The following TMTC1 variants were observed in gnomAD, a reference collection of about 807,000 sequenced individuals.
The protein encoded by TMTC1 is protein O-mannosyl-transferase TMTC1.
Under a neutral mutation model 104.8 loss-of-function variants are expected in TMTC1, and 73 were observed. The ratio of observed to expected loss-of-function variants is 0.70; its 90% CI spans 0.58 to 0.85. The LOEUF (loss-of-function observed/expected upper bound fraction) is 0.85. Ranked by LOEUF, TMTC1 falls within the 40% of genes least tolerant of loss-of-function variation. The pLI is 0.00. For missense variants in TMTC1, 1,035 were observed against 1,096.1 expected (o/e 0.94, Z 0.79); for synonymous variants, 434 against 428.7 (o/e 1.01, Z -0.15).
At position 29,616,054 on chromosome 12, in the gene TMTC1, C is replaced by T. The variant is rs150978441; in HGVS notation, c.1129-11755G>A. On this transcript the variant is annotated intron_variant, in intron 6 of 17. Transcript: ENST00000539277. ...AGTTTGAGGAATGCCATTCATGATA[C>T]GCCCCTTTTGGAAACTCACAAGGCT... Among the ~76,000 whole-genome samples, 52 of 152,258 alleles carry T rather than the reference C, an allele frequency of 3.4e-4. No homozygotes were observed. In the East Asian group the frequency reaches 7.5e-3, roughly 22 times the overall value.
intron 2 of TMTC1, among the ~76,000 whole-genome samples, chr12:29,762,742 A>C (rs1391166305): frequency 6.6e-6 from 1 of 152,242 alleles, no homozygotes; most frequent in Non-Finnish European, 1.5e-5. Context: ...AAGGAACTTG[A>C]GTACCAAATC....
intron 8 of TMTC1, 103 bp from the exon 9 acceptor site, chr12:29,572,321 G>T: frequency 2.1e-6 from 2 of 971,618 alleles, no homozygotes; most frequent in Non-Finnish European, 3.1e-6. Flanking sequence ...TGAAATGTCC[G>T]TTGTATTCTA....
chr12:29,659,826 T>G, intron 5 of TMTC1: 1 of 1,342,524 alleles, frequency 7.4e-7, no homozygotes, highest in Non-Finnish European at 1.0e-6. Context: ...TAATTTAAGA[T>G]TACTCAAAAT....
intron 5 of TMTC1, among the ~76,000 whole-genome samples, chr12:29,687,894 A>T (rs796930190): frequency 3.9e-5 from 6 of 152,282 alleles, no homozygotes; most frequent in African/African-American, 1.4e-4. Flanking sequence ...ATATTGGATT[A>T]GGGCCCCACC....
upstream of TMTC1, among the ~76,000 whole-genome samples, chr12:29,784,152 A>G (rs373609528): frequency 2.0e-5 from 3 of 151,470 alleles, no homozygotes; most frequent in East Asian, 2.0e-4. Flanking sequence ...AGGACACCCC[A>G]GGTTCCCACT....
intron 6 of TMTC1, among the ~76,000 whole-genome samples, chr12:29,631,085 C>T (rs1404524139): frequency 6.6e-6 from 1 of 152,116 alleles, no homozygotes; most frequent in Non-Finnish European, 1.5e-5. Flanking sequence ...CTACTTGGAT[C>T]TTTTCTCCAT....
chr12:29,703,692 CCTGA>C (rs1941665736), intron 5 of TMTC1, among the ~76,000 whole-genome samples: 1 of 152,190 alleles, frequency 6.6e-6, no homozygotes, highest in Admixed American at 6.5e-5. Flanking sequence ...AGTTCCACCC[CCTGA>C]CTGTTTTATA....
At chr12:29,757,810 C>T (rs1215898336) in intron 3 of TMTC1, among the ~76,000 whole-genome samples, 3 of 152,128 alleles carry the variant, frequency 2.0e-5, no homozygotes, top group Non-Finnish European at 4.4e-5. Context: ...TGGCGGCAGG[C>T]AAAGAGAGCT....
At chr12:29,580,639 C>T (rs1052858754) in intron 8 of TMTC1, among the ~76,000 whole-genome samples, 1 of 152,128 alleles carries the variant, frequency 6.6e-6, no homozygotes, top group Admixed American at 6.6e-5. Flanking sequence ...AAGGGCATCA[C>T]CATCTCTAGA....
At chr12:29,733,789 A>G (rs867686683) in intron 5 of TMTC1, among the ~76,000 whole-genome samples, 2 of 152,180 alleles carry the variant, frequency 1.3e-5, no homozygotes, top group African/African-American at 2.4e-5. Flanking sequence ...TGTGCCATCA[A>G]TAATTTTTCT....
chr12:29,583,421 T>C lies in TMTC1; in HGVS notation c.1404A>G (p.Arg468=), dbSNP rs745400390. 4 of 1,613,950 alleles carry C rather than the reference T, an allele frequency of 2.5e-6. No individual in the cohort carries two copies. The highest frequency in any genetic ancestry group is 1.1e-5 in the South Asian group (1 of 91,080). ...TCTAGTCATACCTGAATAGGGACTC[T>C]CTTGACAGCCAAATTTCATTCTGTT... ...TVKQNEIWLS[R]ESLFRSGVQT... The change falls in exon 8 of 18, where the codon AGA becomes AGG. Residue 468 remains arginine (R), a synonymous_variant. Coordinates refer to ENST00000539277, the MANE Select transcript of TMTC1 (RefSeq NM_001193451.2).
intron 10 of TMTC1, among the ~76,000 whole-genome samples, chr12:29,553,881 T>C (rs1287934543): frequency 1.3e-5 from 2 of 152,208 alleles, no homozygotes; most frequent in Non-Finnish European, 2.9e-5. Flanking sequence ...ATATCTGCCA[T>C]TATTTTCAAT....
chr12:29,596,486 G>A (rs1170523316), intron 7 of TMTC1, among the ~76,000 whole-genome samples: 1 of 152,150 alleles, frequency 6.6e-6, no homozygotes, highest in Non-Finnish European at 1.5e-5. Context: ...GCTATGAAAA[G>A]AGAATCATGT....
At chr12:29,515,175 A>C (rs1336903851) in intron 15 of TMTC1, among the ~76,000 whole-genome samples, 1 of 152,148 alleles carries the variant, frequency 6.6e-6, no homozygotes, top group Non-Finnish European at 1.5e-5. Flanking sequence ...GTTGAAAGAA[A>C]ACAAGATTTG....
chr12:29,643,469 T>C (rs1277100733), intron 5 of TMTC1, among the ~76,000 whole-genome samples: 1 of 116,846 alleles, frequency 8.6e-6, no homozygotes, highest in Admixed American at 1.1e-4. Flanking sequence ...ATGGAATATA[T>C]ATATGATGGA....
chr12:29,780,766 T>C (rs1273369328), intron 1 of TMTC1, among the ~76,000 whole-genome samples: 4 of 152,242 alleles, frequency 2.6e-5, no homozygotes, highest in Non-Finnish European at 1.5e-5. Flanking sequence ...TACAGGATGT[T>C]ACCATTGGGG....
At chr12:29,730,998 A>G (rs1224297764) in intron 5 of TMTC1, among the ~76,000 whole-genome samples, 1 of 152,198 alleles carries the variant, frequency 6.6e-6, no homozygotes, top group East Asian at 1.9e-4. Flanking sequence ...GGTACTACAT[A>G]TTCTTGAGGA....
At chr12:29,704,841 A>G (rs1941695458) in intron 5 of TMTC1, among the ~76,000 whole-genome samples, 1 of 152,214 alleles carries the variant, frequency 6.6e-6, no homozygotes, top group African/African-American at 2.4e-5. Context: ...GTTCTACTCC[A>G]CTTCCAGGAG....
intron 7 of TMTC1, among the ~76,000 whole-genome samples, chr12:29,593,485 A>G (rs1163886480): frequency 1.3e-5 from 2 of 152,178 alleles, no homozygotes; most frequent in Non-Finnish European, 2.9e-5. Context: ...TTTAAGAGCA[A>G]ATTTCCTTGT....
Sources: allele counts gnomAD v4.1 joint callset (sites outside exome capture counted in the v4.1 genomes callset), GRCh38; gene constraint gnomAD v4.1.1; transcripts MANE v1.5; gene names NCBI Gene and HGNC (gene_info 2026-07-23, HGNC 2026-07-21).